The following AGTPBP1 variants were observed in gnomAD, a reference collection of about 807,000 sequenced individuals.
AGTPBP1 encodes the protein ATP/GTP binding carboxypeptidase 1, also known as cytosolic carboxypeptidase 1.
In AGTPBP1, 70 loss-of-function variants were observed where a neutral mutation model predicts 143.9. The ratio of observed to expected loss-of-function variants is 0.49; its 90% confidence interval spans 0.40 to 0.59. The LOEUF (loss-of-function observed/expected upper bound fraction) is 0.59. Ranked by LOEUF, AGTPBP1 falls within the 20% of genes least tolerant of loss-of-function variation. The pLI, the probability that AGTPBP1 is intolerant of heterozygous loss-of-function variation, is 0.00. For synonymous variants in AGTPBP1, 463 were observed against 500.2 expected, an observed-to-expected ratio of 0.93 and a Z score of 0.99; for missense variants, 1,229 against 1,464.5, an observed-to-expected ratio of 0.84 and a Z score of 2.62.
At chr9:85,597,368 A>G (rs2133284038) in intron 17 of AGTPBP1, among the ~76,000 whole-genome samples, 1 of 152,090 alleles carries the variant, frequency 6.6e-6, no homozygotes, top group Non-Finnish European at 1.5e-5. Flanking sequence ...TCTAGTATTT[A>G]TATCATTTAT....
At chr9:85,786,460 A>T in the AGTPBP1 span, 4 of 1,613,814 alleles carry the variant, frequency 2.5e-6, no homozygotes, top group Non-Finnish European at 2.5e-6. Context: ...GTCGAAAAGA[A>T]TTACGTCAAA....
At chr9:85,707,792 A>AT (rs1837104795) in intron 2 of AGTPBP1, among the ~76,000 whole-genome samples, 1 of 152,138 alleles carries the variant, frequency 6.6e-6, no homozygotes, top group African/African-American at 2.4e-5. Context: ...ACCAGTTTCA[A>AT]TGGGCTAAAA....
chr9:85,669,763 A>G (rs575640819), intron 7 of AGTPBP1, among the ~76,000 whole-genome samples, 185 bp from the exon 8 acceptor site: 2 of 151,350 alleles, frequency 1.3e-5, no homozygotes, highest in South Asian at 2.1e-4. Flanking sequence ...TTTGTTATGG[A>G]AAGTGCAGGG....
At chr9:85,615,476 C>T (rs1830554016) in intron 17 of AGTPBP1, among the ~76,000 whole-genome samples, 1 of 152,076 alleles carries the variant, frequency 6.6e-6, no homozygotes, top group Admixed American at 6.5e-5. Context: ...ATTACACAGA[C>T]ATTACTAATG....
intron 9 of AGTPBP1, among the ~76,000 whole-genome samples, chr9:85,660,295 C>T (rs1833776201): frequency 6.6e-6 from 1 of 152,030 alleles, no homozygotes; most frequent in Admixed American, 6.6e-5. Flanking sequence ...AATCAACCAA[C>T]AGACCCCTGA....
intron 8 of AGTPBP1, among the ~76,000 whole-genome samples, chr9:85,665,384 C>A (rs1400260378): frequency 6.6e-6 from 1 of 152,170 alleles, no homozygotes; most frequent in Non-Finnish European, 1.5e-5. Context: ...ATGCTCCCTT[C>A]CAGGTTTCAG....
intron 3 of AGTPBP1, among the ~76,000 whole-genome samples, chr9:85,687,538 A>G (rs1474037540): frequency 2.6e-5 from 4 of 152,188 alleles, no homozygotes; most frequent in Non-Finnish European, 5.9e-5. Flanking sequence ...CAAAAGAATT[A>G]CATTAGAAAT....
chr9:85,735,319 C>T (rs745313935), intron 1 of AGTPBP1, among the ~76,000 whole-genome samples: 1 of 152,110 alleles, frequency 6.6e-6, no homozygotes, highest in South Asian at 2.1e-4. Flanking sequence ...GTGACCTACT[C>T]AGAGTTGTCA....
chr9:85,557,021 GAATAT>G (rs1826393111), intron 25 of AGTPBP1, among the ~76,000 whole-genome samples: 1 of 152,074 alleles, frequency 6.6e-6, no homozygotes, highest in Admixed American at 6.6e-5. Context: ...TCTCTAATAT[GAATAT>G]AACACTAAAT....
At chr9:85,774,135 T>C in the AGTPBP1 span, 72 of 837,472 alleles carry the variant, frequency 8.6e-5, no homozygotes, top group Non-Finnish European at 1.4e-4. Context: ...TCAACATGTT[T>C]AAATAGTTGC....
Position 85,672,687 on chromosome 9 carries a change from T to TA in AGTPBP1, c.437-7dup, listed in dbSNP as rs376074133. 42,891 of 1,082,492 alleles carry TA rather than the reference T, an allele frequency of 0.04. 4 individuals carry two copies. Among genetic ancestry groups the TA allele is most frequent in the South Asian group, 0.048 (2,744 of 56,700 alleles). 67.1% of individuals were successfully genotyped at this position (1,082,492 alleles called of 1,614,324 possible). ...CTTTACTCCAAATTTTTTATCTGTT[T>TA]AAAAAAAAAAAAGACAATTTATGCA... On this transcript the variant is annotated splice_polypyrimidine_tract_variant and splice_region_variant and intron_variant, in intron 6 of 25. Coordinates refer to ENST00000357081, the MANE Select transcript of AGTPBP1 (RefSeq NM_001330701.2).
At chr9:85,741,409 C>T (rs1369935723) in intron 1 of AGTPBP1, 2 of 985,192 alleles carry the variant, frequency 2.0e-6, no homozygotes, top group African/African-American at 1.7e-5. Flanking sequence ...CGGCTGGACT[C>T]CCCGCGGCGC....
chr9:85,741,555 C>A, intron 1 of AGTPBP1: 1 of 985,438 alleles, frequency 1.0e-6, no homozygotes, highest in African/African-American at 1.7e-5. Flanking sequence ...TTTTCCAGAC[C>A]CAGTCAAAGC....
At chr9:85,795,275 T>C in the AGTPBP1 span, among the ~76,000 whole-genome samples, 2 of 152,236 alleles carry the variant, frequency 1.3e-5, no homozygotes, top group Non-Finnish European at 2.9e-5. Flanking sequence ...CATGTCTCTC[T>C]GTATCTTGAG....
chr9:85,583,035 G>A (rs781252197), intron 23 of AGTPBP1, among the ~76,000 whole-genome samples: 1 of 152,160 alleles, frequency 6.6e-6, no homozygotes, highest in South Asian at 2.1e-4. Flanking sequence ...GGCAGCGGAA[G>A]GAGAGAAGGA....
chr9:85,693,802 AG>A (rs1245822575), intron 2 of AGTPBP1, among the ~76,000 whole-genome samples: 1 of 152,172 alleles, frequency 6.6e-6, no homozygotes, highest in African/African-American at 2.4e-5. Flanking sequence ...TAAAAAGTGC[AG>A]GGGGAGAGAG....
the AGTPBP1 span, among the ~76,000 whole-genome samples, chr9:85,749,982 T>C: frequency 1.3e-5 from 2 of 151,548 alleles, no homozygotes; most frequent in African/African-American, 4.9e-5. Flanking sequence ...CCCAGGTTCA[T>C]GCCATTCTCC....
chr9:85,612,671 C>T (rs773494120), intron 17 of AGTPBP1, among the ~76,000 whole-genome samples: 5 of 152,246 alleles, frequency 3.3e-5, no homozygotes, highest in Non-Finnish European at 7.4e-5. Flanking sequence ...TTTTGACTGG[C>T]ATCTGTAGTG....
chr9:85,641,440 C>T (rs1832456962), intron 13 of AGTPBP1, among the ~76,000 whole-genome samples: 2 of 152,072 alleles, frequency 1.3e-5, no homozygotes, highest in African/African-American at 4.8e-5. Context: ...TCTCAAATGC[C>T]TCTTCCTGTC....
Sources: allele counts gnomAD v4.1 joint callset (sites outside exome capture counted in the v4.1 genomes callset), GRCh38; gene constraint gnomAD v4.1.1; transcripts MANE v1.5; gene names NCBI Gene and HGNC (gene_info 2026-07-23, HGNC 2026-07-21).